DIP2B: variants seen among roughly 807,000 people sequenced by gnomAD.
The protein encoded by DIP2B is DIP2 acetate--CoA ligase B (putative), also known as disco-interacting protein 2 homolog B.
Under a neutral mutation model 198.0 loss-of-function variants are expected in DIP2B, and 76 were observed. That is an observed-to-expected ratio of 0.38 (90% CI 0.32 to 0.46). The LOEUF is 0.46. Among genes scored for constraint, DIP2B ranks in the 20% least tolerant of loss-of-function variants. The pLI is 0.99. For synonymous variants in DIP2B, 701 were observed against 739.1 expected (o/e 0.95, Z 0.84); for missense variants, 1,559 against 1,978.4 (o/e 0.79, Z 4.02).
At chr12:50,584,503 T>C (rs549177938) in intron 1 of DIP2B, among the ~76,000 whole-genome samples, 6 of 152,338 alleles carry the variant, frequency 3.9e-5, no homozygotes, top group Non-Finnish European at 8.8e-5. Flanking sequence ...TTTTGTCTCT[T>C]GTATGCTGTT....
chr12:50,567,421 C>G (rs1441821015), intron 1 of DIP2B, among the ~76,000 whole-genome samples: 1 of 152,218 alleles, frequency 6.6e-6, no homozygotes, highest in Non-Finnish European at 1.5e-5. Context: ...AACTGTACAT[C>G]ATCCATTTAT....
chr12:50,507,086 CCT>C (rs1300239200), intron 1 of DIP2B, among the ~76,000 whole-genome samples: 1 of 152,192 alleles, frequency 6.6e-6, no homozygotes, highest in African/African-American at 2.4e-5. Context: ...GATTAGCTCA[CCT>C]CTCTCTCCTT....
intron 12 of DIP2B, 133 bp from the exon 13 acceptor site, chr12:50,690,916 A>G: frequency 1.5e-6 from 1 of 682,828 alleles, no homozygotes; most frequent in East Asian, 2.8e-5. Context: ...ACATTGCCTT[A>G]AATATTCATA....
At chr12:50,535,925 A>C (rs894164725) in intron 1 of DIP2B, among the ~76,000 whole-genome samples, 5 of 134,036 alleles carry the variant, frequency 3.7e-5, no homozygotes, top group Non-Finnish European at 7.7e-5. Flanking sequence ...TTCATTTCCC[A>C]CCTATGAGTG....
intron 3 of DIP2B, among the ~76,000 whole-genome samples, chr12:50,645,862 G>C (rs955635586): frequency 2.6e-5 from 4 of 151,862 alleles, no homozygotes; most frequent in Non-Finnish European, 5.9e-5. Flanking sequence ...GCATTATTAT[G>C]TTATAGTAAT....
intron 3 of DIP2B, among the ~76,000 whole-genome samples, chr12:50,659,247 G>A (rs548697777): frequency 3.3e-5 from 5 of 152,198 alleles, no homozygotes; most frequent in East Asian, 3.9e-4. Context: ...TCACATTGTC[G>A]TTAAAGTGAT....
Position 50,706,548 on chromosome 12 carries a change from T to C in DIP2B, c.2417T>C (p.Val806Ala), listed in dbSNP as rs1939516214. Reference sequence around the variant, plus strand: ...ATCATTACCTTTCAGGGTAGTTTGGTGTTCGTGGTTGGGAAAATGGATGGC... The same window carrying C: ...ATCATTACCTTTCAGGGTAGTTTGGCGTTCGTGGTTGGGAAAATGGATGGC... ...LLGFVGPGSLVFVVGKMDGLL... is the reference protein window; with the variant it reads ...LLGFVGPGSLAFVVGKMDGLL... The change falls in exon 21 of 38, where the codon GTG becomes GCG. Residue 806 changes from valine to alanine, a missense_variant. Val to Ala is a moderately conservative substitution (Grantham distance 64). Transcript: ENST00000301180. 2 of 1,614,004 alleles carry C rather than the reference T, an allele frequency of 1.2e-6. No individual in the cohort carries two copies. Among genetic ancestry groups the C allele is most frequent in the Non-Finnish European group, 1.7e-6 (2 of 1,179,914 alleles).
At chr12:50,594,101 C>G (rs1438010555) in intron 1 of DIP2B, among the ~76,000 whole-genome samples, 1 of 150,074 alleles carries the variant, frequency 6.7e-6, no homozygotes, top group African/African-American at 2.5e-5. Context: ...CCACCATGCT[C>G]TGCTAATTTT....
intron 1 of DIP2B, among the ~76,000 whole-genome samples, chr12:50,507,715 T>C (rs1957980111): frequency 6.6e-6 from 1 of 152,182 alleles, no homozygotes; most frequent in African/African-American, 2.4e-5. Flanking sequence ...TTTGTATTTA[T>C]AGTAGAGACC....
chr12:50,526,968 C>T (rs532536666), intron 1 of DIP2B, among the ~76,000 whole-genome samples: 8 of 152,086 alleles, frequency 5.3e-5, no homozygotes, highest in Admixed American at 6.6e-5. Flanking sequence ...ATGTAATATC[C>T]GTAGGATCTG....
chr12:50,664,240 TATC>T (rs915113086), intron 4 of DIP2B, among the ~76,000 whole-genome samples: 20 of 152,362 alleles, frequency 1.3e-4, no homozygotes, highest in African/African-American at 4.6e-4. Context: ...TTATTTATAG[TATC>T]ATATAGTCTG....
In DIP2B at chr12:50,640,034, ATAT is replaced by A. The variant is rs200413610; in HGVS notation, c.173-687_173-685del. Among the ~76,000 whole-genome samples, 1,330 of 152,278 alleles carry A rather than the reference ATAT, an allele frequency of 8.7e-3. 22 individuals are homozygous for A. Among genetic ancestry groups the A allele is most frequent in the African/African-American group, 0.03 (1,254 of 41,522 alleles). ...ATCGTGCCTTATTAATACTAATAAGATATTAATACTACTGTATTTTACACTCAA... is the reference window on the plus strand; with the variant it reads ...ATCGTGCCTTATTAATACTAATAAGATAATACTACTGTATTTTACACTCAA... On this transcript the variant is annotated intron_variant, in intron 2 of 37. Coordinates refer to ENST00000301180, the MANE Select transcript of DIP2B (RefSeq NM_173602.3).
chr12:50,640,729 G>T lies in DIP2B; in HGVS notation c.178G>T (p.Asp60Tyr). The T allele has an allele frequency of 6.2e-7, 1 of 1,612,374 alleles. No individual in the cohort carries two copies. Among genetic ancestry groups the T allele is most frequent in the South Asian group, 1.1e-5 (1 of 90,728 alleles). Reference protein sequence around the residue: ...SPYSPQTQETDSAVQKELRNQ... With the variant: ...SPYSPQTQETYSAVQKELRNQ... ...TTTTAAACTTCCTTTTTTAGAAACT[G>T]ATTCAGCAGTACAGAAAGAACTTAG... The change falls in exon 3 of 38, where the codon GAT becomes TAT. Residue 60 changes from aspartate (D) to tyrosine (Y), a missense_variant. Transcript: ENST00000301180.
chr12:50,508,237 A>C (rs1957984999), intron 1 of DIP2B, among the ~76,000 whole-genome samples: 1 of 152,200 alleles, frequency 6.6e-6, no homozygotes, highest in Non-Finnish European at 1.5e-5. Flanking sequence ...CATAAGGATG[A>C]GCTTTTCTAT....
intron 30 of DIP2B, among the ~76,000 whole-genome samples, chr12:50,729,299 A>G (rs1444726409): frequency 6.6e-6 from 1 of 152,160 alleles, no homozygotes; most frequent in Non-Finnish European, 1.5e-5. Context: ...CATGGGTCTT[A>G]TCTTCAGATT....
chr12:50,690,983 T>C, intron 12 of DIP2B, 66 bp from the exon 13 acceptor site: 5 of 1,398,180 alleles, frequency 3.6e-6, no homozygotes, highest in Middle Eastern at 3.6e-4. Flanking sequence ...GTTTTTGGAT[T>C]CTAGTTTTGT....
intron 32 of DIP2B, 117 bp downstream of exon 32, chr12:50,732,653 T>C (rs1287172514): frequency 7.7e-7 from 1 of 1,296,296 alleles, no homozygotes; most frequent in Non-Finnish European, 1.1e-6. Context: ...TTACTTGCTT[T>C]GGAACTTCGG....
intron 8 of DIP2B, chr12:50,680,034 G>GGATC (rs902750861): frequency 2.9e-4 from 44 of 152,196 alleles, no homozygotes; most frequent in African/African-American, 9.9e-4. Context: ...TGAGACAGGT[G>GGATC]GATCACCTGA....
chr12:50,577,862 A>G (rs1405347589), intron 1 of DIP2B, among the ~76,000 whole-genome samples: 1 of 152,148 alleles, frequency 6.6e-6, no homozygotes, highest in East Asian at 1.9e-4. Context: ...CAGCATTTTA[A>G]TAGTCTTATC....
Sources: gnomAD v4.1 joint callset for allele counts (sites outside exome capture counted in the v4.1 genomes callset) on GRCh38, gnomAD v4.1.1 for gene constraint, MANE v1.5 for transcripts, NCBI Gene and HGNC (gene_info 2026-07-23, HGNC 2026-07-21) for gene names.